EPB41L4A: variants seen among roughly 807,000 people sequenced by gnomAD.
The protein encoded by EPB41L4A is erythrocyte membrane protein band 4.1 like 4A.
Under a neutral mutation model 108.6 loss-of-function variants are expected in EPB41L4A, and 100 were observed. That is an observed-to-expected ratio of 0.92 (90% CI 0.78 to 1.09). EPB41L4A has a LOEUF of 1.09. Among genes scored for constraint, EPB41L4A ranks in the 50% least tolerant of loss-of-function variants. The probability of loss-of-function intolerance (pLI) is 0.00; values close to 1 mark genes in which losing one functional copy is unlikely to be tolerated. For missense variants in EPB41L4A, 1,030 were observed against 842.7 expected (o/e 1.22, Z -2.75); for synonymous variants, 319 against 289.0 (o/e 1.10, Z -1.05).
Position 112,205,433 on chromosome 5 carries a change from T to C in EPB41L4A, c.1250A>G (p.Asn417Ser). ...RSKSHAPWEENGPQSGLYNSP... is the reference protein window; with the variant it reads ...RSKSHAPWEESGPQSGLYNSP... ...TGATTCCCTTTACCTCTGGGGGCCA[T>C]TTTCTTCCCACGGTGCATGAGATTT... Residue 417 changes from asparagine (N) to serine (S), a missense_variant, in exon 14 of 23, where the codon AAT (asparagine) becomes AGT (serine). Physicochemically the swap from Asn to Ser is conservative, Grantham distance 46 (BLOSUM62 1). Coordinates refer to ENST00000261486, the MANE Select transcript of EPB41L4A (RefSeq NM_022140.5). The C allele has an allele frequency of 2.5e-6, 4 of 1,613,410 alleles. No individual in the cohort carries two copies. In the Middle Eastern group the frequency reaches 4.9e-4, roughly 200 times the overall value.
In EPB41L4A at chr5:112,335,779, C is replaced by A. The variant is rs79380376; in HGVS notation, c.100-28289G>T. Among the ~76,000 whole-genome samples the A allele has an allele frequency of 4.1e-3, 623 of 152,256 alleles. 8 individuals carry two copies. The highest frequency in any genetic ancestry group is 0.015 in the African/African-American group (607 of 41,550). On this transcript the variant is annotated intron_variant, in intron 1 of 22. Coordinates refer to ENST00000261486, the MANE Select transcript of EPB41L4A (RefSeq NM_022140.5). ...TGGTTTAAAATTCTTCAATGGCATT[C>A]CAATATAATAAAAACAAAAACCAAA...
rs1260424312 is a variant in EPB41L4A at position 112,164,962 on chromosome 5, C to T, written c.*28G>A. The stretch of plus-strand genomic sequence containing the variant: ...GTACCAGTGGCGCACACAACCTTCC[C>T]ACCCCTACCCTTGACCCTTCATCAG... On this transcript the variant is annotated 3_prime_UTR_variant, in exon 23 of 23. Transcript: ENST00000261486. 6.3e-7 allele frequency: 1 copy of T among 1,582,710 alleles called. No homozygotes were observed. The highest frequency in any genetic ancestry group is 8.6e-7 in the Non-Finnish European group (1 of 1,168,226).
chr5:112,302,514 A>G (rs970956071), intron 2 of EPB41L4A, among the ~76,000 whole-genome samples: 2 of 152,182 alleles, frequency 1.3e-5, no homozygotes, highest in Non-Finnish European at 2.9e-5. Context: ...TTAAAGCACT[A>G]GTCTGTGTAT....
intron 17 of EPB41L4A, among the ~76,000 whole-genome samples, chr5:112,189,766 G>C (rs1276031068): frequency 6.6e-6 from 1 of 152,130 alleles, no homozygotes; most frequent in Non-Finnish European, 1.5e-5. Flanking sequence ...CACATCAAAG[G>C]TAATGAATGA....
chr5:112,280,383 C>A, intron 2 of EPB41L4A, 60 bp from the exon 3 acceptor site: 3 of 1,476,468 alleles, frequency 2.0e-6, no homozygotes, highest in Non-Finnish European at 2.8e-6. Context: ...GCTTTTACTT[C>A]AAGAATATTT....
chr5:112,278,637 A>C (rs1201454890), intron 3 of EPB41L4A, among the ~76,000 whole-genome samples: 3 of 152,174 alleles, frequency 2.0e-5, no homozygotes, highest in African/African-American at 7.2e-5. Flanking sequence ...ATACCATGTA[A>C]ATAAGTAGAC....
intron 15 of EPB41L4A, among the ~76,000 whole-genome samples, chr5:112,201,048 T>G (rs1762195616): frequency 1.3e-5 from 2 of 152,224 alleles, no homozygotes; most frequent in African/African-American, 4.8e-5. Context: ...AATCCAGCAA[T>G]GTAGAGGTTT....
intron 1 of EPB41L4A, among the ~76,000 whole-genome samples, chr5:112,410,505 G>C (rs1762345663): frequency 6.6e-6 from 1 of 152,140 alleles, no homozygotes; most frequent in African/African-American, 2.4e-5. Flanking sequence ...CAATTTGGAA[G>C]ATGTTTAGGA....
intron 2 of EPB41L4A, among the ~76,000 whole-genome samples, chr5:112,296,511 T>C (rs1052630636): frequency 5.9e-5 from 9 of 152,150 alleles, no homozygotes; most frequent in African/African-American, 2.2e-4. Context: ...GTTGGAATCA[T>C]TCCAGGAATA....
intron 15 of EPB41L4A, among the ~76,000 whole-genome samples, chr5:112,199,653 G>T (rs917235472): frequency 2.6e-5 from 4 of 152,154 alleles, no homozygotes; most frequent in African/African-American, 9.7e-5. Context: ...CAGGATATCA[G>T]AATCTAAACT....
downstream of EPB41L4A, chr5:112,161,697 G>C (rs1327339247): frequency 2.0e-6 from 1 of 490,738 alleles, no homozygotes; most frequent in Non-Finnish European, 4.1e-6. Flanking sequence ...TCTAATTTTT[G>C]TTCAGGTGGA....
chr5:112,206,179 G>A (rs1470388621), intron 13 of EPB41L4A: 1 of 152,196 alleles, frequency 6.6e-6, no homozygotes, highest in Middle Eastern at 3.2e-3. Flanking sequence ...CCAGTGGGGA[G>A]GGGTGTGTCA....
At chr5:112,293,394 G>A (rs370477969) in intron 2 of EPB41L4A, among the ~76,000 whole-genome samples, 15 of 121,142 alleles carry the variant, frequency 1.2e-4, no homozygotes, top group African/African-American at 5.1e-4. Flanking sequence ...TAGTTTTGGT[G>A]AAGAAGGCAT....
chr5:112,274,006 T>A (rs1187935789), intron 4 of EPB41L4A, among the ~76,000 whole-genome samples: 1 of 151,906 alleles, frequency 6.6e-6, no homozygotes, highest in Non-Finnish European at 1.5e-5. Flanking sequence ...AAATGAGGTC[T>A]ACGCTGGCAC....
At chr5:112,237,871 T>C (rs1479041238) in intron 11 of EPB41L4A, among the ~76,000 whole-genome samples, 1 of 152,176 alleles carries the variant, frequency 6.6e-6, no homozygotes, top group Non-Finnish European at 1.5e-5. Context: ...TAAGACTTAC[T>C]AGGCAGTTAA....
At chr5:112,284,641 G>A (rs1051132129) in intron 2 of EPB41L4A, among the ~76,000 whole-genome samples, 2 of 152,154 alleles carry the variant, frequency 1.3e-5, no homozygotes, top group Non-Finnish European at 2.9e-5. Flanking sequence ...AACAGACCCT[G>A]CTCTCTGATG....
chr5:112,242,804 C>G (rs754742486), intron 9 of EPB41L4A, among the ~76,000 whole-genome samples: 3 of 152,184 alleles, frequency 2.0e-5, no homozygotes, highest in Non-Finnish European at 4.4e-5. Flanking sequence ...CATTAATCTC[C>G]TTGTACATCT....
chr5:112,389,175 G>A (rs558550368), intron 1 of EPB41L4A, among the ~76,000 whole-genome samples: 2 of 152,178 alleles, frequency 1.3e-5, no homozygotes, highest in Non-Finnish European at 2.9e-5. Context: ...TCAAACACAA[G>A]AAAATTATTT....
intron 1 of EPB41L4A, 54 bp downstream of exon 1, chr5:112,418,887 C>A (rs1762886722): frequency 1.4e-6 from 2 of 1,431,688 alleles, no homozygotes; most frequent in Non-Finnish European, 9.8e-7. Context: ...AAGCGATGGA[C>A]CCCCGCACCC....
Sources: allele counts gnomAD v4.1 joint callset (sites outside exome capture counted in the v4.1 genomes callset), GRCh38; gene constraint gnomAD v4.1.1; transcripts MANE v1.5; gene names NCBI Gene and HGNC (gene_info 2026-07-23, HGNC 2026-07-21).